The following FRAS1 variants were observed in gnomAD, a reference collection of about 807,000 sequenced individuals.
FRAS1 encodes extracellular matrix organizing protein FRAS1.
In FRAS1, 290 loss-of-function variants were observed where a neutral mutation model predicts 435.2. The observed-to-expected ratio is 0.67, with a 90% CI of 0.61 to 0.73. The LOEUF (loss-of-function observed/expected upper bound fraction) is 0.73, where lower values mean the gene tolerates loss of function less well. FRAS1 is among the 30% of genes least tolerant of loss of function. The probability of loss-of-function intolerance (pLI) is 0.00; values close to 1 mark genes in which losing one functional copy is unlikely to be tolerated. For synonymous variants in FRAS1, 1,800 were observed against 1,851.0 expected (o/e 0.97, Z 0.71); for missense variants, 4,860 against 5,001.5 (o/e 0.97, Z 0.85).
At position 78,266,930 on chromosome 4, in the gene FRAS1, G is replaced by A. The variant is rs576372683; in HGVS notation, c.784G>A (p.Gly262Arg). Residue 262 changes from glycine (G) to arginine (R), a missense_variant, in exon 8 of 74, where the codon GGA becomes AGA. Physicochemically the swap from Gly to Arg is moderately radical, Grantham distance 125. Transcript: ENST00000512123. ...HKQACLPLRCGKGQSRARRHG... is the reference protein window; with the variant it reads ...HKQACLPLRCRKGQSRARRHG... ...GCAGGCCTGCCTGCCCCTGAGATGC[G>A]GAAAGGTATTTGAGAGTGTGTACCT... 49 of 1,599,862 alleles carry A rather than the reference G, an allele frequency of 3.1e-5. No individual in the cohort carries two copies. Among genetic ancestry groups the A allele is most frequent in the South Asian group, 3.1e-4 (27 of 88,432 alleles).
chr4:78,341,277 G>T (rs1730387619), intron 20 of FRAS1, among the ~76,000 whole-genome samples: 1 of 152,216 alleles, frequency 6.6e-6, no homozygotes, highest in Non-Finnish European at 1.5e-5. Flanking sequence ...ATAAAGAGTT[G>T]AGTCCTGTGA....
At chr4:78,157,053 G>T (rs2110018882) in intron 2 of FRAS1, among the ~76,000 whole-genome samples, 1 of 152,304 alleles carries the variant, frequency 6.6e-6, no homozygotes, top group Admixed American at 6.5e-5. Flanking sequence ...TGAGTGAAAA[G>T]AGTGATCACA....
intron 2 of FRAS1, among the ~76,000 whole-genome samples, chr4:78,202,984 A>G (rs1185098426): frequency 6.6e-6 from 1 of 152,172 alleles, no homozygotes; most frequent in Non-Finnish European, 1.5e-5. Context: ...TGTGGATGTG[A>G]ATGTTCCAGA....
intron 18 of FRAS1, among the ~76,000 whole-genome samples, chr4:78,322,665 A>G (rs1344391601): frequency 6.6e-6 from 1 of 152,186 alleles, no homozygotes; most frequent in Non-Finnish European, 1.5e-5. Context: ...CTAGTGCAGG[A>G]TGAAAAAACA....
intron 2 of FRAS1, among the ~76,000 whole-genome samples, chr4:78,185,863 A>G (rs1578173476): frequency 1.3e-5 from 2 of 152,166 alleles, no homozygotes; most frequent in East Asian, 1.9e-4. Flanking sequence ...CTATGTTTCA[A>G]TCAAGGCTTA....
At position 78,244,842 on chromosome 4, in the gene FRAS1, G is replaced by A. The variant is rs534168172; in HGVS notation, c.217-391G>A. ...TGCTTCACTGGCTGCACTAGGCTGT[G>A]TAAGATACCAGACAGCTGGAAGACC... On this transcript the variant is annotated intron_variant, in intron 3 of 73. Coordinates refer to ENST00000512123, the MANE Select transcript of FRAS1 (RefSeq NM_025074.7). Among the ~76,000 whole-genome samples the A allele has an allele frequency of 9.1e-4, 138 of 152,310 alleles. 1 individual carries two copies. Among genetic ancestry groups the A allele is most frequent in the African/African-American group, 2.9e-3 (121 of 41,580 alleles).
chr4:78,498,707 G>A (rs1190313836), intron 60 of FRAS1, among the ~76,000 whole-genome samples: 1 of 151,728 alleles, frequency 6.6e-6, no homozygotes, highest in Non-Finnish European at 1.5e-5. Context: ...TACTCAAAAT[G>A]GTATAAAAGT....
At chr4:78,315,023 C>T (rs772007976) in intron 15 of FRAS1, among the ~76,000 whole-genome samples, 11 of 152,194 alleles carry the variant, frequency 7.2e-5, no homozygotes, top group Non-Finnish European at 1.3e-4. Flanking sequence ...AACCCCGGCA[C>T]AAGACCTGAC....
At chr4:78,088,829 T>G (rs1299189651) in intron 2 of FRAS1, among the ~76,000 whole-genome samples, 4 of 152,204 alleles carry the variant, frequency 2.6e-5, no homozygotes, top group Non-Finnish European at 5.9e-5. Flanking sequence ...ACACTGTTGG[T>G]GGGACTGTAA....
intron 14 of FRAS1, among the ~76,000 whole-genome samples, chr4:78,301,744 A>T (rs1276274247): frequency 6.7e-6 from 1 of 148,850 alleles, no homozygotes; most frequent in Non-Finnish European, 1.5e-5. Context: ...GAAAGTTATG[A>T]TTTCCTTCTC....
At chr4:78,163,631 T>C (rs1721225616) in intron 2 of FRAS1, among the ~76,000 whole-genome samples, 1 of 152,184 alleles carries the variant, frequency 6.6e-6, no homozygotes, top group Non-Finnish European at 1.5e-5. Flanking sequence ...TGAAAATTAG[T>C]TTTCCATCCT....
intron 23 of FRAS1, 115 bp downstream of exon 23, chr4:78,370,099 C>G: frequency 1.1e-6 from 1 of 893,236 alleles, no homozygotes; most frequent in Non-Finnish European, 1.7e-6. Context: ...TTGACTGTCT[C>G]TGATGATAGC....
chr4:78,434,565 A>G (rs1473667569), intron 38 of FRAS1, among the ~76,000 whole-genome samples: 1 of 152,234 alleles, frequency 6.6e-6, no homozygotes, highest in African/African-American at 2.4e-5. Flanking sequence ...ATTACATATT[A>G]CATACCTATG....
intron 2 of FRAS1, among the ~76,000 whole-genome samples, chr4:78,212,009 T>C (rs1204102672): frequency 6.6e-6 from 1 of 152,244 alleles, no homozygotes; most frequent in Non-Finnish European, 1.5e-5. Context: ...ATCTGTGTTG[T>C]AGCATGTATC....
chr4:78,160,546 T>C (rs1721096558), intron 2 of FRAS1, among the ~76,000 whole-genome samples: 1 of 151,956 alleles, frequency 6.6e-6, no homozygotes, highest in Non-Finnish European at 1.5e-5. Flanking sequence ...CAATGCTGTT[T>C]TTGTAAGTAC....
intron 2 of FRAS1, among the ~76,000 whole-genome samples, chr4:78,196,792 A>G (rs1256374780): frequency 3.9e-5 from 6 of 152,246 alleles, no homozygotes; most frequent in Non-Finnish European, 8.8e-5. Context: ...TCTTTATCAT[A>G]TAAGAGACTT....
chr4:78,093,938 A>C (rs1741655401), intron 2 of FRAS1, among the ~76,000 whole-genome samples: 2 of 152,094 alleles, frequency 1.3e-5, no homozygotes. Flanking sequence ...TGAGCTCTGG[A>C]TCACAACTCA....
intron 64 of FRAS1, 59 bp from the exon 65 acceptor site, chr4:78,513,333 G>A (rs17469981): frequency 0.18 from 283,014 of 1,531,338 alleles, 29,753 homozygotes; most frequent in Non-Finnish European, 0.22. Flanking sequence ...AAAGAAGTAT[G>A]TCCTATTGAC....
intron 30 of FRAS1, among the ~76,000 whole-genome samples, chr4:78,404,178 C>T (rs907867182): frequency 5.9e-5 from 9 of 152,114 alleles, no homozygotes; most frequent in South Asian, 2.1e-4. Flanking sequence ...ATGTAAGATA[C>T]GTTCATATGA....
Sources: allele counts gnomAD v4.1 joint callset (sites outside exome capture counted in the v4.1 genomes callset), GRCh38; gene constraint gnomAD v4.1.1; transcripts MANE v1.5; gene names NCBI Gene and HGNC (gene_info 2026-07-23, HGNC 2026-07-21).